Variants in PTPRQ observed in about 807,000 individuals in gnomAD.
PTPRQ encodes protein tyrosine phosphatase receptor type Q.
In PTPRQ, 199 loss-of-function variants were observed where a neutral mutation model predicts 246.0. That is an observed-to-expected ratio of 0.81 (90% confidence interval 0.72 to 0.91). PTPRQ has a LOEUF of 0.91. PTPRQ is among the 40% of genes least tolerant of loss of function. The pLI, the probability that PTPRQ is intolerant of heterozygous loss-of-function variation, is 0.00. For synonymous variants in PTPRQ, 869 were observed against 853.2 expected (o/e 1.02, Z -0.32); for missense variants, 2,624 against 2,528.4 (o/e 1.04, Z -0.81).
chr12:80,558,118 T>TCTTTCTTTTCTTTTC (rs1896701914), intron 25 of PTPRQ, among the ~76,000 whole-genome samples: 1 of 55,234 alleles, frequency 1.8e-5, no homozygotes, highest in Non-Finnish European at 3.3e-5. Flanking sequence ...TTCTTTTCTT[T>TCTTTCTTTTCTTTTC]CTTTCTTTTC....
chr12:80,532,946 T>G (rs531329220), intron 17 of PTPRQ, among the ~76,000 whole-genome samples: 2 of 152,316 alleles, frequency 1.3e-5, no homozygotes. Flanking sequence ...CATTTAAAAT[T>G]TATTATTCCT....
At chr12:80,646,105 C>T (rs1900062872) in intron 35 of PTPRQ, among the ~76,000 whole-genome samples, 2 of 151,970 alleles carry the variant, frequency 1.3e-5, no homozygotes, top group South Asian at 4.1e-4. Context: ...AAAATCCCTT[C>T]CTTATATCAG....
intron 43 of PTPRQ, 73 bp downstream of exon 43, chr12:80,673,377 C>A (rs535077388): frequency 6.6e-7 from 1 of 1,508,370 alleles, no homozygotes; most frequent in African/African-American, 1.4e-5. Flanking sequence ...TGGCAGCAAT[C>A]TGGATGGACA....
Position 80,495,352 on chromosome 12 carries a change from T to C in PTPRQ, c.1863T>C (p.Asp621=), listed in dbSNP as rs568035867. ...GAGCATTCCAGATAACTACCATAGA[T>C]AACAGCTTTCTCATAACAGGTAGAA... ...TNRAFQITTI[D]NSFLITGLKK... is the part of the protein sequence containing the mutation. Residue 621 remains aspartate (D), a synonymous_variant, in exon 12 of 45, where the codon GAT becomes GAC. Transcript: ENST00000644991. 70 of 1,516,442 alleles carry C rather than the reference T, an allele frequency of 4.6e-5. No individual in the cohort carries two copies. The South Asian group carries it at 8.4e-4, about 18-fold the overall frequency. 93.9% of individuals were successfully genotyped at this position (1,516,442 alleles called of 1,614,324 possible). A position where few individuals can be genotyped will look rare whatever the true frequency, so the allele number is the denominator to read the frequency against.
intron 17 of PTPRQ, among the ~76,000 whole-genome samples, chr12:80,526,317 T>C (rs1895684132): frequency 6.6e-6 from 1 of 152,192 alleles, no homozygotes; most frequent in Admixed American, 6.6e-5. Context: ...GGAGAACTAG[T>C]TCTGTACATT....
At chr12:80,489,401 G>A (rs929235810) in intron 9 of PTPRQ, among the ~76,000 whole-genome samples, 1 of 151,934 alleles carries the variant, frequency 6.6e-6, no homozygotes, top group Admixed American at 6.6e-5. Flanking sequence ...GATCACATGA[G>A]TAAAAGTATT....
intron 25 of PTPRQ, among the ~76,000 whole-genome samples, chr12:80,564,074 AT>A (rs911093115): frequency 1.0e-3 from 153 of 151,298 alleles, no homozygotes; most frequent in African/African-American, 3.2e-3. Context: ...GAGAGAGCAG[AT>A]TTTTTTTCTT....
chr12:80,528,926 A>G (rs1895767306), intron 17 of PTPRQ, among the ~76,000 whole-genome samples: 1 of 152,170 alleles, frequency 6.6e-6, no homozygotes, highest in South Asian at 2.1e-4. Flanking sequence ...CCAAAAGCAA[A>G]CAAGCAAAAC....
At chr12:80,620,487 C>G (rs1417119696) in intron 32 of PTPRQ, 111 bp downstream of exon 32, 17 of 1,426,110 alleles carry the variant, frequency 1.2e-5, no homozygotes, top group Middle Eastern at 2.4e-4. Context: ...ATGTCCGCCA[C>G]GTATAGTGAC....
At chr12:80,632,407 A>G in intron 34 of PTPRQ, 116 bp downstream of exon 34, 1 of 1,369,372 alleles carries the variant, frequency 7.3e-7, no homozygotes, top group Middle Eastern at 1.8e-4. Flanking sequence ...TTTTATTTTT[A>G]ATAGACAGAT....
In PTPRQ at chr12:80,541,591, C is replaced by G. The variant is rs994237997; in HGVS notation, c.3191C>G (p.Ser1064Cys). 4.6e-6 allele frequency: 7 copies of G among 1,537,444 alleles called. No individual in the cohort carries two copies. Among genetic ancestry groups the G allele is most frequent in the Non-Finnish European group, 6.1e-6 (7 of 1,140,008 alleles). ...TTTGTTGGAAACCTGACTTACGAAT[C>G]CATTTCGTCAACTGCAATAAATGTA... ...EGFVGNLTYE[S>C]ISSTAINVSW... is the part of the protein sequence containing the mutation. The change falls in exon 21 of 45, where the codon TCC becomes TGC. Residue 1064 changes from serine to cysteine, a missense_variant. Coordinates refer to ENST00000644991, the MANE Select transcript of PTPRQ (RefSeq NM_001145026.2).
chr12:80,449,989 T>G (rs1452741099), intron 3 of PTPRQ, among the ~76,000 whole-genome samples: 1 of 152,206 alleles, frequency 6.6e-6, no homozygotes, highest in Admixed American at 6.5e-5. Context: ...TTCACGATAT[T>G]CATTCTTCCT....
intron 25 of PTPRQ, among the ~76,000 whole-genome samples, chr12:80,554,885 T>G (rs1162017192): frequency 6.6e-6 from 1 of 152,064 alleles, no homozygotes; most frequent in Non-Finnish European, 1.5e-5. Flanking sequence ...TAGGACTACA[T>G]GTTTGCACCA....
At chr12:80,467,154 T>C (rs1052042512) in intron 6 of PTPRQ, among the ~76,000 whole-genome samples, 2 of 152,072 alleles carry the variant, frequency 1.3e-5, no homozygotes, top group African/African-American at 4.8e-5. Flanking sequence ...CTCAAACAAA[T>C]TTACAAGAAA....
chr12:80,599,251 G>C (rs949457523), intron 26 of PTPRQ, among the ~76,000 whole-genome samples: 1 of 151,926 alleles, frequency 6.6e-6, no homozygotes, highest in African/African-American at 2.4e-5. Flanking sequence ...AAACCAGGGG[G>C]AAAGTGCTTA....
At chr12:80,454,447 G>T (rs778277428) in intron 3 of PTPRQ, 4 of 600,912 alleles carry the variant, frequency 6.7e-6, no homozygotes, top group South Asian at 3.1e-5. Flanking sequence ...TGCAGAAATG[G>T]ATGCCTTTTA....
chr12:80,560,616 T>A (rs1002805995), intron 25 of PTPRQ, among the ~76,000 whole-genome samples: 3 of 152,162 alleles, frequency 2.0e-5, no homozygotes, highest in East Asian at 1.9e-4. Context: ...TTAAAAAAAA[T>A]TTGGACAACA....
In PTPRQ at chr12:80,679,046, T is replaced by C. The variant is rs961103184; in HGVS notation, c.*23T>C. 1.3e-6 allele frequency: 2 copies of C among 1,539,236 alleles called. No individual in the cohort carries two copies. The highest frequency in any genetic ancestry group is 1.4e-5 in the African/African-American group (1 of 72,508). ...TAAATATTCAGACCAAAGGATACAA[T>C]TGGAAGAGATTTTTAAATCCCAGGG... On this transcript the variant is annotated 3_prime_UTR_variant, in exon 45 of 45. Coordinates refer to ENST00000644991, the MANE Select transcript of PTPRQ (RefSeq NM_001145026.2).
chr12:80,561,817 T>C (rs1452790591), intron 25 of PTPRQ, among the ~76,000 whole-genome samples: 1 of 152,162 alleles, frequency 6.6e-6, no homozygotes, highest in Non-Finnish European at 1.5e-5. Flanking sequence ...TTTAGCTCTA[T>C]GTTGAATAAG....
Sources: allele counts gnomAD v4.1 joint callset (sites outside exome capture counted in the v4.1 genomes callset), GRCh38; gene constraint gnomAD v4.1.1; transcripts MANE v1.5; gene names NCBI Gene and HGNC (gene_info 2026-07-23, HGNC 2026-07-21).